The following LINS1 variants were observed in gnomAD, a reference collection of about 807,000 sequenced individuals.
LINS1 encodes the protein protein Lines homolog 1.
A neutral mutation model predicts 41.6 loss-of-function variants in LINS1; 27 were observed. That is an observed-to-expected ratio of 0.65 (90% confidence interval 0.48 to 0.89). The LOEUF (loss-of-function observed/expected upper bound fraction) is 0.89, where lower values mean the gene tolerates loss of function less well. Among genes scored for constraint, LINS1 ranks in the 40% least tolerant of loss-of-function variants. LINS1 has a pLI of 0.00. For missense variants in LINS1, 955 were observed against 884.1 expected (o/e 1.08, Z -1.02); for synonymous variants, 336 against 312.9 (o/e 1.07, Z -0.78).
intron 3 of LINS1, among the ~76,000 whole-genome samples, chr15:100,578,005 C>T (rs1207853245): frequency 6.6e-6 from 1 of 152,146 alleles, no homozygotes; most frequent in Non-Finnish European, 1.5e-5. Context: ...CTTCCTTATA[C>T]CTTATACAAA....
intron 1 of LINS1, among the ~76,000 whole-genome samples, chr15:100,581,858 C>G (rs1044485648): frequency 1.3e-5 from 2 of 152,212 alleles, no homozygotes; most frequent in Admixed American, 6.5e-5. Context: ...ATTCCTTCAC[C>G]CTACATAGTT....
chr15:100,576,704 T>A (rs1254231662), intron 3 of LINS1: 3 of 152,218 alleles, frequency 2.0e-5, no homozygotes, highest in African/African-American at 4.8e-5. Context: ...TACCAAAGCC[T>A]GGCAGAGACA....
chr15:100,600,515 T>C (rs916023397), intron 1 of LINS1, among the ~76,000 whole-genome samples: 3 of 145,068 alleles, frequency 2.1e-5, no homozygotes, highest in Non-Finnish European at 3.0e-5. Context: ...ATACCGCTTT[T>C]ATTTTATTTG....
chr15:100,569,122 CAAAAAAAAAAAAAA>C lies in LINS1; in HGVS notation c.*102_*115del, dbSNP rs56225071. 1 of 425,414 alleles carries C rather than the reference CAAAAAAAAAAAAAA, an allele frequency of 2.4e-6. No homozygotes were observed. The highest frequency in any genetic ancestry group is 2.7e-5 in the African/African-American group (1 of 36,504). 26.4% of individuals were successfully genotyped at this position (425,414 alleles called of 1,614,324 possible). Reference sequence around the variant, plus strand: ...TGAGCGACAGAATGAGATTCTGTCTCAAAAAAAAAAAAAAAAAAGAAAACCCTTTTATGGTGATG... The same window carrying C: ...TGAGCGACAGAATGAGATTCTGTCTCAAAAGAAAACCCTTTTATGGTGATG... On this transcript the variant is annotated 3_prime_UTR_variant, in exon 7 of 7. Transcript: ENST00000314742.
rs990315716 is a variant in LINS1, at chr15:100,568,442, C to G, written c.*796G>C. 1.3e-5 allele frequency: 2 copies of G among 152,222 alleles called. No homozygotes were observed. The highest frequency in any genetic ancestry group is 2.9e-5 in the Non-Finnish European group (2 of 68,092). 9.4% of individuals were successfully genotyped at this position (152,222 alleles called of 1,614,324 possible). A position where few individuals can be genotyped will look rare whatever the true frequency, so the allele number is the denominator to read the frequency against. On this transcript the variant is annotated 3_prime_UTR_variant, in exon 7 of 7. Transcript: ENST00000314742. The stretch of plus-strand genomic sequence containing the variant: ...GTCCTTGTAGGAGGGAAACTGGACA[C>G]AGACACAGGAAAATGCCATGTGAGG...
intron 1 of LINS1, among the ~76,000 whole-genome samples, chr15:100,597,222 T>C (rs1021657619): frequency 6.6e-6 from 1 of 152,242 alleles, no homozygotes; most frequent in East Asian, 1.9e-4. Context: ...GGCAACAGTA[T>C]CTTTCTCAAG....
intron 1 of LINS1, among the ~76,000 whole-genome samples, chr15:100,593,318 G>A (rs1396865645): frequency 6.6e-6 from 1 of 152,116 alleles, no homozygotes; most frequent in African/African-American, 2.4e-5. Flanking sequence ...ACACCAAGTG[G>A]CCTAAGGGTT....
At chr15:100,593,424 G>C (rs1039929878) in intron 1 of LINS1, among the ~76,000 whole-genome samples, 2 of 152,100 alleles carry the variant, frequency 1.3e-5, no homozygotes, top group Non-Finnish European at 2.9e-5. Flanking sequence ...ATAAAACCAT[G>C]TGTTTATTAA....
chr15:100,588,028 A>G (rs2038884532), intron 1 of LINS1, among the ~76,000 whole-genome samples: 2 of 152,234 alleles, frequency 1.3e-5, no homozygotes, highest in African/African-American at 4.8e-5. Flanking sequence ...ATTTGTGCCA[A>G]ATGGTTAAAT....
intron 1 of LINS1, among the ~76,000 whole-genome samples, chr15:100,581,589 G>A (rs1190909543): frequency 2.0e-5 from 3 of 152,152 alleles, no homozygotes. Flanking sequence ...TACTATAGAG[G>A]GAGTATGGCA....
At chr15:100,570,213 G>C in intron 6 of LINS1, 96 bp from the exon 7 acceptor site, 1 of 1,029,778 alleles carries the variant, frequency 9.7e-7, no homozygotes, top group Non-Finnish European at 1.4e-6. Context: ...TAACCTATTA[G>C]ATTACTTTTA....
chr15:100,594,409 T>C (rs2039161381), intron 1 of LINS1, among the ~76,000 whole-genome samples: 1 of 152,076 alleles, frequency 6.6e-6, no homozygotes, highest in African/African-American at 2.4e-5. Flanking sequence ...GATCAAATGT[T>C]GTTGGCAGTG....
intron 1 of LINS1, among the ~76,000 whole-genome samples, chr15:100,590,687 G>A (rs989875266): frequency 1.3e-5 from 2 of 152,204 alleles, no homozygotes; most frequent in African/African-American, 4.8e-5. Context: ...GCTGGCACTT[G>A]TGGCCTATGG....
chr15:100,579,550 GCT>G (rs1482112120), intron 3 of LINS1, among the ~76,000 whole-genome samples: 2 of 151,450 alleles, frequency 1.3e-5, no homozygotes, highest in Non-Finnish European at 2.9e-5. Context: ...ATTTTAATTT[GCT>G]CTTTATACTT....
rs764181944 is a variant in LINS1, at chr15:100,569,323, T to C, written c.2189A>G (p.Asn730Ser). 3 of 1,613,760 alleles carry C rather than the reference T, an allele frequency of 1.9e-6. No individual in the cohort carries two copies. The Admixed American group carries it at 5.0e-5, about 27-fold the overall frequency. ...TGCAGTTGGATTATATGGGAAAAGATTTTTCTTTTGCAAACGGCAGATGGC... is the reference window on the plus strand; with the variant it reads ...TGCAGTTGGATTATATGGGAAAAGACTTTTCTTTTGCAAACGGCAGATGGC... ...QDAICRLQKK[N>S]LFPYNPTALL... The change falls in exon 7 of 7, where the codon AAT becomes AGT. Residue 730 changes from asparagine (N) to serine (S), a missense_variant. Physicochemically the swap from Asn to Ser is conservative, Grantham distance 46 (BLOSUM62 1). Transcript: ENST00000314742.
chr15:100,593,117 T>C (rs949072789), intron 1 of LINS1, among the ~76,000 whole-genome samples: 2 of 152,186 alleles, frequency 1.3e-5, no homozygotes, highest in Admixed American at 1.3e-4. Flanking sequence ...GACAACAAGC[T>C]TTTAAGAGAC....
At chr15:100,591,023 C>CA (rs1233949251) in intron 1 of LINS1, among the ~76,000 whole-genome samples, 1 of 151,876 alleles carries the variant, frequency 6.6e-6, no homozygotes, top group Non-Finnish European at 1.5e-5. Flanking sequence ...ACTAAAAATA[C>CA]AAAATTAGCC....
At chr15:100,578,501 C>T (rs926578285) in intron 3 of LINS1, among the ~76,000 whole-genome samples, 5 of 151,536 alleles carry the variant, frequency 3.3e-5, no homozygotes, top group South Asian at 2.1e-4. Context: ...GTTAGAATGG[C>T]GATCATTAAA....
intron 1 of LINS1, among the ~76,000 whole-genome samples, chr15:100,587,205 T>C (rs2038847488): frequency 3.3e-5 from 5 of 149,704 alleles, no homozygotes; most frequent in Admixed American, 3.3e-4. Context: ...GGCAATTCTT[T>C]AATATAGTTA....
Sources: allele counts gnomAD v4.1 joint callset (sites outside exome capture counted in the v4.1 genomes callset), GRCh38; gene constraint gnomAD v4.1.1; transcripts MANE v1.5; gene names NCBI Gene and HGNC (gene_info 2026-07-23, HGNC 2026-07-21).